REV3L: variants seen among roughly 807,000 people sequenced by gnomAD.
REV3L encodes DNA polymerase zeta catalytic subunit.
Under a neutral mutation model 299.4 loss-of-function variants are expected in REV3L, and 69 were observed. The ratio of observed to expected loss-of-function variants is 0.23; its 90% CI spans 0.19 to 0.28. The LOEUF is 0.28. Ranked by LOEUF, REV3L falls within the 10% of genes least tolerant of loss-of-function variation. REV3L has a pLI of 1.00. For synonymous variants in REV3L, 1,238 were observed against 1,271.4 expected, an observed-to-expected ratio of 0.97 and a Z score of 0.56; for missense variants, 3,128 against 3,693.8, an observed-to-expected ratio of 0.85 and a Z score of 3.97.
intron 31 of REV3L, among the ~76,000 whole-genome samples, chr6:111,303,491 C>T (rs34435489): frequency 0.41 from 61,473 of 151,068 alleles, 15,030 homozygotes; most frequent in Non-Finnish European, 0.55. Context: ...CTCAGCCTCC[C>T]AAGTAGCTGG....
At chr6:111,413,809 C>G (rs568533621) in intron 2 of REV3L, among the ~76,000 whole-genome samples, 1 of 152,142 alleles carries the variant, frequency 6.6e-6, no homozygotes, top group South Asian at 2.1e-4. Flanking sequence ...GTGGCAATGT[C>G]TTTAACAAAT....
At chr6:111,361,168 G>A (rs1778613722) in intron 16 of REV3L, 1 of 152,034 alleles carries the variant, frequency 6.6e-6, no homozygotes, top group South Asian at 2.1e-4. Flanking sequence ...TGGATCACCT[G>A]AGGTCAGGAG....
intron 1 of REV3L, among the ~76,000 whole-genome samples, chr6:111,469,991 A>C (rs1315281005): frequency 6.6e-6 from 1 of 152,208 alleles, no homozygotes; most frequent in East Asian, 1.9e-4. Context: ...GAATATATCC[A>C]CATACTATTT....
intron 25 of REV3L, among the ~76,000 whole-genome samples, chr6:111,329,324 T>A (rs1392423660): frequency 6.6e-6 from 1 of 151,114 alleles, no homozygotes; most frequent in Non-Finnish European, 1.5e-5. Flanking sequence ...ATTACAGGCG[T>A]GAGCCACCAT....
intron 18 of REV3L, 73 bp from the exon 19 acceptor site, chr6:111,351,864 A>T (rs1777596774): frequency 9.7e-7 from 1 of 1,030,032 alleles, no homozygotes; most frequent in East Asian, 2.6e-5. Context: ...TTGTTTCTTC[A>T]TGATATAAGG....
intron 31 of REV3L, among the ~76,000 whole-genome samples, chr6:111,300,840 ATTGT>A (rs1444935077): frequency 1.4e-4 from 21 of 152,186 alleles, no homozygotes; most frequent in Admixed American, 4.6e-4. Flanking sequence ...ATCTGCACAA[ATTGT>A]TTGTAAAGCA....
intron 1 of REV3L, among the ~76,000 whole-genome samples, chr6:111,456,966 A>C (rs1421768816): frequency 6.6e-6 from 1 of 152,154 alleles, no homozygotes; most frequent in Non-Finnish European, 1.5e-5. Flanking sequence ...GATATTTCTA[A>C]GTTTAAATTT....
chr6:111,459,701 C>A (rs1790536351), intron 1 of REV3L, among the ~76,000 whole-genome samples: 1 of 151,880 alleles, frequency 6.6e-6, no homozygotes, highest in African/African-American at 2.4e-5. Context: ...AAATGCAAAT[C>A]AAAATCACAA....
chr6:111,349,347 G>C lies in REV3L; in HGVS notation c.7301-11C>G. On this transcript the variant is annotated splice_polypyrimidine_tract_variant and intron_variant, in intron 19 of 31. Transcript: ENST00000368802. ...TCTCAATTTTGTCATCTATAGAAAT[G>C]AAAACAGACTGTATCAGGGCTCACA... 1 of 1,377,438 alleles carries C rather than the reference G, an allele frequency of 7.3e-7. No individual in the cohort carries two copies. The highest frequency in any genetic ancestry group is 1.0e-6 in the Non-Finnish European group (1 of 973,930). 85.3% of individuals were successfully genotyped at this position (1,377,438 alleles called of 1,614,324 possible).
At position 111,300,136 on chromosome 6, in the gene REV3L, A is replaced by C. The variant is rs373656157; in HGVS notation, c.9273T>G (p.Gly3091=). 5.6e-6 allele frequency: 9 copies of C among 1,609,388 alleles called. No homozygotes were observed. Among genetic ancestry groups the C allele is most frequent in the African/African-American group, 1.3e-5 (1 of 74,836 alleles). The part of the protein sequence containing the change: ...QLVKICKNCT[G]CFDRHIPCVS... ...CACATGGGATGTGTCGATCAAAGCAACCTGTACAGTTCTTGCATATCTGAA... is the reference window on the plus strand; with the variant it reads ...CACATGGGATGTGTCGATCAAAGCACCCTGTACAGTTCTTGCATATCTGAA... The change falls in exon 32 of 32, where the codon GGT becomes GGG. Residue 3091 remains glycine, a synonymous_variant. Coordinates refer to ENST00000368802, the MANE Select transcript of REV3L (RefSeq NM_001372078.1).
At chr6:111,346,382 T>C (rs1777025494) in intron 20 of REV3L, among the ~76,000 whole-genome samples, 1 of 152,206 alleles carries the variant, frequency 6.6e-6, no homozygotes, top group Admixed American at 6.5e-5. Context: ...TGCTTGTCAC[T>C]ACGAATTCAA....
In REV3L at chr6:111,387,843, C is replaced by G. The variant is rs755642250; in HGVS notation, c.1018G>C (p.Glu340Gln). ...EFSAELTLHS[E>Q]VLSPEMLQCT... is the part of the protein sequence containing the mutation. Reference sequence around the variant, plus strand: ...TGAAGCATTTCAGGAGACAGAACCTCAGAGTGCAATGTTAACTCAGCAGAG... The same window carrying G: ...TGAAGCATTTCAGGAGACAGAACCTGAGAGTGCAATGTTAACTCAGCAGAG... The change falls in exon 9 of 32, where the codon GAG becomes CAG. Residue 340 changes from glutamate to glutamine, a missense_variant. Physicochemically the swap from Glu to Gln is conservative, Grantham distance 29 (BLOSUM62 2). Around this residue, in one of 9 missense-constraint regions of REV3L, gnomAD observed 2,409 missense variants for 2,611.8 expected, o/e 0.92. Transcript: ENST00000368802. The G allele has an allele frequency of 2.5e-6, 4 of 1,613,708 alleles. No homozygotes were observed. In the African/African-American group the frequency reaches 5.3e-5, roughly 22 times the overall value.
At chr6:111,378,882 T>C (rs527430035) in intron 11 of REV3L, among the ~76,000 whole-genome samples, 1 of 152,340 alleles carries the variant, frequency 6.6e-6, no homozygotes, top group African/African-American at 2.4e-5. Flanking sequence ...TCACAGATCC[T>C]TCTAGTTTTC....
intron 18 of REV3L, among the ~76,000 whole-genome samples, chr6:111,356,431 T>A (rs17539840): frequency 1.3e-3 from 205 of 152,264 alleles, no homozygotes; most frequent in African/African-American, 4.7e-3. Context: ...GATTCTACTA[T>A]CGGACTGAGG....
intron 3 of REV3L, among the ~76,000 whole-genome samples, chr6:111,410,530 C>G (rs905022123): frequency 5.3e-5 from 8 of 152,200 alleles, no homozygotes; most frequent in Admixed American, 3.3e-4. Context: ...AGAAATTGCT[C>G]TTTTGTACTC....
chr6:111,421,538 C>T (rs1785353466), intron 1 of REV3L, among the ~76,000 whole-genome samples: 1 of 152,092 alleles, frequency 6.6e-6, no homozygotes, highest in African/African-American at 2.4e-5. Context: ...AGGGATTTGG[C>T]CCATGGATAG....
At chr6:111,388,234 T>G in intron 7 of REV3L, 149 bp from the exon 8 acceptor site, 1 of 608,626 alleles carries the variant, frequency 1.6e-6, no homozygotes, top group South Asian at 2.1e-5. Context: ...TACCATAGAA[T>G]CACACAAAAG....
At chr6:111,321,974 A>G (rs1463185523) in intron 26 of REV3L, among the ~76,000 whole-genome samples, 6 of 152,244 alleles carry the variant, frequency 3.9e-5, no homozygotes, top group African/African-American at 1.4e-4. Flanking sequence ...GAAGCATGCA[A>G]GCTGGTGTTA....
At chr6:111,320,304 G>A (rs1419022110) in intron 26 of REV3L, among the ~76,000 whole-genome samples, 3 of 152,132 alleles carry the variant, frequency 2.0e-5, no homozygotes, top group African/African-American at 7.2e-5. Context: ...GACCTCAGGT[G>A]ATCTGCCTGC....
Sources: allele counts gnomAD v4.1 joint callset (sites outside exome capture counted in the v4.1 genomes callset), GRCh38; gene constraint gnomAD v4.1.1; regional missense constraint gnomAD v4.1.1; transcripts MANE v1.5; gene names NCBI Gene and HGNC (gene_info 2026-07-23, HGNC 2026-07-21).